Variants in CUX1 observed in about 807,000 individuals in gnomAD.
CUX1 encodes cut like homeobox 1.
In CUX1, 31 loss-of-function variants were observed where a neutral mutation model predicts 158.8. That is an observed-to-expected ratio of 0.20 (90% CI 0.15 to 0.26). The LOEUF (loss-of-function observed/expected upper bound fraction) is 0.26, where lower values mean the gene tolerates loss of function less well. Among genes scored for constraint, CUX1 ranks in the 10% least tolerant of loss-of-function variants. The pLI is 1.00. For missense variants in CUX1, 1,589 were observed against 2,014.6 expected (o/e 0.79, Z 4.04); for synonymous variants, 879 against 862.1 (o/e 1.02, Z -0.34).
intron 11 of CUX1, among the ~76,000 whole-genome samples, chr7:102,182,365 GGACT>G (rs1353721418): frequency 1.3e-5 from 2 of 152,184 alleles, no homozygotes; most frequent in African/African-American, 4.8e-5. Context: ...ATATATCAGA[GGACT>G]GACTAATTGG....
At chr7:102,233,951 C>A in intron 21 of CUX1, 101 bp from the exon 22 acceptor site, 1 of 966,142 alleles carries the variant, frequency 1.0e-6, no homozygotes, top group Non-Finnish European at 1.4e-6. Flanking sequence ...AACCCTGAGC[C>A]TTTAAACTCC....
At chr7:101,899,350 AC>A (rs1801894969) in intron 1 of CUX1, among the ~76,000 whole-genome samples, 1 of 152,132 alleles carries the variant, frequency 6.6e-6, no homozygotes, top group African/African-American at 2.4e-5. Flanking sequence ...GGAGTTCGAG[AC>A]CAGCCTGGTC....
At chr7:102,052,353 T>A (rs1222484413) in intron 3 of CUX1, among the ~76,000 whole-genome samples, 1 of 152,274 alleles carries the variant, frequency 6.6e-6, no homozygotes, top group Non-Finnish European at 1.5e-5. Flanking sequence ...TTGGCCATTC[T>A]TAACATTTCA....
At chr7:102,093,189 A>G (rs548193628) in intron 4 of CUX1, among the ~76,000 whole-genome samples, 118 of 134,110 alleles carry the variant, frequency 8.8e-4, no homozygotes, top group African/African-American at 3.1e-3. Flanking sequence ...ACAGGGTCTC[A>G]CTCTGTCCCT....
At chr7:102,004,946 A>G (rs2129283588) in intron 2 of CUX1, among the ~76,000 whole-genome samples, 1 of 152,364 alleles carries the variant, frequency 6.6e-6, no homozygotes, top group South Asian at 2.1e-4. Flanking sequence ...ACCATTTAAA[A>G]GTGTAAAAAC....
intron 9 of CUX1, among the ~76,000 whole-genome samples, chr7:102,165,291 G>A (rs985757209): frequency 6.6e-6 from 1 of 151,730 alleles, no homozygotes; most frequent in African/African-American, 2.4e-5. Flanking sequence ...TAGAGGCCTG[G>A]AAGTAGCTGT....
chr7:102,170,354 C>A, intron 9 of CUX1, 92 bp from the exon 10 acceptor site: 1 of 849,454 alleles, frequency 1.2e-6, no homozygotes, highest in Non-Finnish European at 1.8e-6. Context: ...CAATTATAGT[C>A]AGTCAGGCAT....
chr7:102,211,140 A>G (rs1796468159), intron 20 of CUX1, among the ~76,000 whole-genome samples: 1 of 152,144 alleles, frequency 6.6e-6, no homozygotes, highest in Non-Finnish European at 1.5e-5. Flanking sequence ...TGGGCATTCC[A>G]CAGCACTGTC....
At chr7:102,114,406 G>A (rs1831237122) in intron 7 of CUX1, among the ~76,000 whole-genome samples, 1 of 152,142 alleles carries the variant, frequency 6.6e-6, no homozygotes, top group Non-Finnish European at 1.5e-5. Context: ...CTCCCAAGTA[G>A]CCGGGATTAC....
exon 19 of CUX1, chr7:102,280,037 G>A (rs781791032): frequency 3.7e-6 from 6 of 1,603,444 alleles, no homozygotes; most frequent in Admixed American, 3.3e-5. Context: ...GTCTGTGCAG[G>A]GCAGCGGCAG....
At chr7:102,247,062 T>G (rs1318955190) in intron 23 of CUX1, among the ~76,000 whole-genome samples, 1 of 152,054 alleles carries the variant, frequency 6.6e-6, no homozygotes, top group Non-Finnish European at 1.5e-5. Flanking sequence ...GGCATGGTGG[T>G]ATACACCTGT....
Position 102,254,915 on chromosome 7 carries a change from A to G in CUX1, c.*5873A>G. 1 of 985,502 alleles carries G rather than the reference A, an allele frequency of 1.0e-6. No homozygotes were observed. Among genetic ancestry groups the G allele is most frequent in the South Asian group, 4.7e-5 (1 of 21,290 alleles). The allele number at this position is 985,502 out of a possible 1,614,324, so 61.0% of individuals were successfully genotyped here. A position where few individuals can be genotyped will look rare whatever the true frequency, so the allele number is the denominator to read the frequency against. ...TTTTGTAGATGAAAACTACCAGGGA[A>G]AAGGGGAAGCAGGTACCCAATAAAG... On this transcript the variant is annotated 3_prime_UTR_variant, in exon 24 of 24. Coordinates refer to ENST00000292535, the MANE Select transcript of CUX1 (RefSeq NM_181552.4).
intron 1 of CUX1, among the ~76,000 whole-genome samples, chr7:101,834,497 G>C (rs961916636): frequency 6.6e-6 from 1 of 152,102 alleles, no homozygotes; most frequent in Non-Finnish European, 1.5e-5. Flanking sequence ...TAAAGAAAGA[G>C]CAAGACTGAA....
In CUX1 at chr7:102,234,109, T is replaced by C; in HGVS notation, c.3491T>C (p.Leu1164Pro). ...LGLTQGSVSD[L>P]LARPKPWHKL... ...CTCACCCAAGGCTCTGTCTCTGACC[T>C]CCTTGCCCGCCCCAAACCCTGGCAT... The change falls in exon 22 of 24, where the codon CTC becomes CCC. Residue 1164 changes from leucine (L) to proline (P), a missense_variant. Leu to Pro is a moderately conservative substitution (Grantham distance 98). Coordinates refer to ENST00000292535, the MANE Select transcript of CUX1 (RefSeq NM_181552.4). The C allele has an allele frequency of 1.3e-6, 2 of 1,597,714 alleles. No homozygotes were observed. The highest frequency in any genetic ancestry group is 1.7e-5 in the Admixed American group (1 of 57,382).
chr7:102,007,720 A>G (rs1234115745), intron 2 of CUX1, among the ~76,000 whole-genome samples: 1 of 143,772 alleles, frequency 7.0e-6, no homozygotes, highest in Non-Finnish European at 1.5e-5. Flanking sequence ...GCCACCACCC[A>G]CCTCTGGTGT....
chr7:102,134,482 G>A (rs1398151329), intron 8 of CUX1, among the ~76,000 whole-genome samples: 1 of 152,148 alleles, frequency 6.6e-6, no homozygotes, highest in Non-Finnish European at 1.5e-5. Context: ...CTGTATTCTT[G>A]ACAAGACTTC....
intron 2 of CUX1, among the ~76,000 whole-genome samples, chr7:101,922,537 C>T (rs1805075764): frequency 6.6e-6 from 1 of 152,200 alleles, no homozygotes; most frequent in African/African-American, 2.4e-5. Context: ...TCCATGCAGC[C>T]TTAGTTTAGA....
In CUX1 at chr7:102,014,176, G is replaced by A. The variant is rs142542489; in HGVS notation, c.142-13922G>A. ...ACTCTCCTGGGCAGCAAGCTCACAA[G>A]AGACCGACCTCTGTGGCCTTCGAAG... On this transcript the variant is annotated intron_variant, in intron 2 of 23. Transcript: ENST00000292535. Among the ~76,000 whole-genome samples the A allele has an allele frequency of 2.0e-4, 30 of 152,254 alleles. 1 individual carries two copies. The East Asian group carries it at 5.8e-3, about 29-fold the overall frequency.
At chr7:102,180,919 GTATTTTATTT>G (rs1186410987) in intron 11 of CUX1, among the ~76,000 whole-genome samples, 80 of 51,540 alleles carry the variant, frequency 1.6e-3, no homozygotes, top group Middle Eastern at 8.9e-3. Context: ...TTATTTTATT[GTATTTTATTT>G]TATTTTATTT....
Sources: allele counts gnomAD v4.1 joint callset (sites outside exome capture counted in the v4.1 genomes callset), GRCh38; gene constraint gnomAD v4.1.1; transcripts MANE v1.5; gene names NCBI Gene and HGNC (gene_info 2026-07-23, HGNC 2026-07-21).